The following KALRN variants were observed in gnomAD, a reference collection of about 807,000 sequenced individuals.
KALRN encodes the protein kalirin RhoGEF kinase, also known as kalirin.
In KALRN, 70 loss-of-function variants were observed where a neutral mutation model predicts 353.7. The observed-to-expected ratio is 0.20, with a 90% CI of 0.16 to 0.24. The LOEUF is 0.24. KALRN is among the 10% of genes least tolerant of loss of function. KALRN has a pLI of 1.00. For synonymous variants in KALRN, 1,391 were observed against 1,434.8 expected, an observed-to-expected ratio of 0.97 and a Z score of 0.69; for missense variants, 2,791 against 3,756.7, an observed-to-expected ratio of 0.74 and a Z score of 6.72.
chr3:124,248,796 A>C (rs1361463290), intron 3 of KALRN, among the ~76,000 whole-genome samples: 1 of 152,222 alleles, frequency 6.6e-6, no homozygotes, highest in Non-Finnish European at 1.5e-5. Context: ...TGCATCTCCC[A>C]GACTGTTCTG....
intron 34 of KALRN, among the ~76,000 whole-genome samples, chr3:124,588,600 A>G (rs1361857052): frequency 1.3e-5 from 2 of 152,012 alleles, no homozygotes; most frequent in African/African-American, 4.8e-5. Flanking sequence ...AATTTTTTGT[A>G]TTTTCAGTAG....
intron 12 of KALRN, 73 bp from the exon 13 acceptor site, chr3:124,398,624 A>T (rs2090464950): frequency 5.7e-6 from 8 of 1,400,350 alleles, no homozygotes; most frequent in Non-Finnish European, 7.1e-6. Flanking sequence ...GATGAGGAAG[A>T]TCCCCCTCCT....
chr3:124,258,689 C>G (rs1464895031), intron 3 of KALRN, among the ~76,000 whole-genome samples: 1 of 152,180 alleles, frequency 6.6e-6, no homozygotes, highest in Non-Finnish European at 1.5e-5. Context: ...CACTGTGTGA[C>G]TCCTGAATAA....
intron 1 of KALRN, among the ~76,000 whole-genome samples, chr3:124,126,710 T>C (rs1212909317): frequency 6.6e-6 from 1 of 152,258 alleles, no homozygotes; most frequent in Non-Finnish European, 1.5e-5. Flanking sequence ...GTACAGTTTC[T>C]TGTGAAAATG....
intron 5 of KALRN, among the ~76,000 whole-genome samples, chr3:124,285,065 T>C (rs1374112169): frequency 6.6e-6 from 1 of 152,178 alleles, no homozygotes; most frequent in Admixed American, 6.5e-5. Flanking sequence ...ACACAGACAT[T>C]GACTTCTGTT....
chr3:124,394,482 C>CTTTGA (rs2089911221), intron 11 of KALRN, among the ~76,000 whole-genome samples: 1 of 152,194 alleles, frequency 6.6e-6, no homozygotes, highest in South Asian at 2.1e-4. Context: ...AAACACTATA[C>CTTTGA]TTTGCTCTTT....
chr3:124,545,861 T>C (rs1378124143), intron 33 of KALRN, among the ~76,000 whole-genome samples: 1 of 152,208 alleles, frequency 6.6e-6, no homozygotes, highest in African/African-American at 2.4e-5. Context: ...AGCAACCGTC[T>C]TAACTCTGAA....
rs545330509 is a variant in KALRN, at chr3:124,285,408, C to G, written c.970-13383C>G. ...TTAAATTTAGTGGGTATAGTATACACTATTATGGTGTGATAGATACACTGA... is the reference window on the plus strand; with the variant it reads ...TTAAATTTAGTGGGTATAGTATACAGTATTATGGTGTGATAGATACACTGA... On this transcript the variant is annotated intron_variant, in intron 5 of 59. Transcript: ENST00000682506. 3.3e-5 allele frequency among the ~76,000 whole-genome samples: 5 copies of G among 152,254 alleles called. No individual in the cohort carries two copies. The South Asian group carries it at 1.0e-3, about 32-fold the overall frequency.
At chr3:124,325,594 G>A (rs2079813962) in intron 6 of KALRN, among the ~76,000 whole-genome samples, 1 of 152,146 alleles carries the variant, frequency 6.6e-6, no homozygotes, top group East Asian at 1.9e-4. Context: ...AGATGTCTCT[G>A]CCTCCTTTAG....
In KALRN at chr3:124,228,065, G is replaced by A. The variant is rs776041015; in HGVS notation, c.148+1G>A. On this transcript the variant is annotated splice_donor_variant, in intron 2 of 59. Coordinates refer to ENST00000682506, the MANE Select transcript of KALRN (RefSeq NM_001388419.1). LOFTEE classifies it high-confidence loss of function. Reference sequence around the variant, plus strand: ...AAGGAAAAGGTGGCCTTCGTGTCTGGTGAGTATTTGTGGGACTTTCTTTTG... The same window carrying A: ...AAGGAAAAGGTGGCCTTCGTGTCTGATGAGTATTTGTGGGACTTTCTTTTG... 1 of 1,611,326 alleles carries A rather than the reference G, an allele frequency of 6.2e-7. No individual in the cohort carries two copies. The highest frequency in any genetic ancestry group is 8.5e-7 in the Non-Finnish European group (1 of 1,177,456).
chr3:124,372,944 C>T (rs577098605), intron 10 of KALRN, among the ~76,000 whole-genome samples: 1 of 74,212 alleles, frequency 1.3e-5, no homozygotes, highest in Admixed American at 1.4e-4. Flanking sequence ...ATTAGAGTCA[C>T]CTGGGAGCTT....
intron 3 of KALRN, among the ~76,000 whole-genome samples, chr3:124,246,129 G>A (rs9871659): frequency 0.6 from 91,790 of 152,116 alleles, 28,101 homozygotes; most frequent in African/African-American, 0.64. Context: ...TCATATGGTA[G>A]TTTTATTTTT....
At chr3:124,524,709 G>A (rs1320258271) in intron 33 of KALRN, among the ~76,000 whole-genome samples, 1 of 152,210 alleles carries the variant, frequency 6.6e-6, no homozygotes. Context: ...CAATGTGTAT[G>A]TATGTGCATA....
At chr3:124,593,204 C>G (rs1036004427) in intron 34 of KALRN, among the ~76,000 whole-genome samples, 2 of 151,964 alleles carry the variant, frequency 1.3e-5, no homozygotes, top group African/African-American at 4.8e-5. Flanking sequence ...GAAACCAAGC[C>G]TTGTTGTTTA....
chr3:124,561,842 C>A (rs1231101653), intron 33 of KALRN, among the ~76,000 whole-genome samples: 1 of 152,190 alleles, frequency 6.6e-6, no homozygotes, highest in African/African-American at 2.4e-5. Context: ...TGCAGCTGCT[C>A]TTCCAAGAGG....
intron 3 of KALRN, among the ~76,000 whole-genome samples, chr3:124,258,477 T>C (rs1180614350): frequency 1.3e-5 from 2 of 152,198 alleles, no homozygotes; most frequent in Non-Finnish European, 2.9e-5. Flanking sequence ...CTCTTCATTT[T>C]TTCCTCAGGG....
At chr3:124,051,554 A>G (rs1285892770) in intron 1 of KALRN, among the ~76,000 whole-genome samples, 1 of 152,200 alleles carries the variant, frequency 6.6e-6, no homozygotes. Context: ...AATCAATGGA[A>G]AAAATGAAGC....
intron 57 of KALRN, among the ~76,000 whole-genome samples, chr3:124,705,515 G>T (rs868619455): frequency 1.3e-5 from 2 of 152,122 alleles, no homozygotes; most frequent in African/African-American, 4.8e-5. Context: ...TTACCCAAAA[G>T]CTCAGGTATT....
chr3:124,693,753 C>G, intron 51 of KALRN, 51 bp from the exon 52 acceptor site: 1 of 1,279,808 alleles, frequency 7.8e-7, no homozygotes, highest in Non-Finnish European at 1.1e-6. Flanking sequence ...CCCTTGTTCT[C>G]TTTTAGTAGT....
Sources: allele counts gnomAD v4.1 joint callset (sites outside exome capture counted in the v4.1 genomes callset), GRCh38; gene constraint gnomAD v4.1.1; transcripts MANE v1.5; gene names NCBI Gene and HGNC (gene_info 2026-07-23, HGNC 2026-07-21).